SPOCK3: variants seen among roughly 807,000 people sequenced by gnomAD.
SPOCK3 encodes SPARC (osteonectin), cwcv and kazal like domains proteoglycan 3.
In SPOCK3, 30 loss-of-function variants were observed where a neutral mutation model predicts 56.6. The ratio of observed to expected loss-of-function variants is 0.53; its 90% CI spans 0.40 to 0.72. The LOEUF (loss-of-function observed/expected upper bound fraction) is 0.72. Ranked by LOEUF, SPOCK3 falls within the 30% of genes least tolerant of loss-of-function variation. The pLI, the probability that SPOCK3 is intolerant of heterozygous loss-of-function variation, is 0.00. For synonymous variants in SPOCK3, 196 were observed against 183.3 expected, an observed-to-expected ratio of 1.07 and a Z score of -0.56; for missense variants, 527 against 530.0, an observed-to-expected ratio of 0.99 and a Z score of 0.06.
rs137892176 is a variant in SPOCK3, at chr4:166,827,510, G to A, written c.590-35221C>T. 2.6e-5 allele frequency among the ~76,000 whole-genome samples: 4 copies of A among 152,154 alleles called. No individual in the cohort carries two copies. In the East Asian group the frequency reaches 7.7e-4, roughly 29 times the overall value. On this transcript the variant is annotated intron_variant, in intron 6 of 10. Transcript: ENST00000357545. Reference sequence around the variant, plus strand: ...TGCTATGGATTTGAATTCTCTAGTAGCAAGTTTTATTTTGTTTACAGCAAC... The same window carrying A: ...TGCTATGGATTTGAATTCTCTAGTAACAAGTTTTATTTTGTTTACAGCAAC...
chr4:166,842,286 C>T lies in SPOCK3; in HGVS notation c.589+46844G>A, dbSNP rs186285271. Among the ~76,000 whole-genome samples, 1,250 of 152,314 alleles carry T rather than the reference C, an allele frequency of 8.2e-3. 7 individuals are homozygous for T. Among genetic ancestry groups the T allele is most frequent in the Non-Finnish European group, 0.013 (901 of 68,032 alleles). ...CAGCCTGCTTTTATTCCTTATCTGG[C>T]CCCACCCATATCCTGCTGATTGGTC... On this transcript the variant is annotated intron_variant, in intron 6 of 10. Coordinates refer to ENST00000357545, the MANE Select transcript of SPOCK3 (RefSeq NM_001040159.2).
chr4:167,203,231 T>A (rs1733691637), intron 2 of SPOCK3, among the ~76,000 whole-genome samples: 1 of 151,932 alleles, frequency 6.6e-6, no homozygotes. Context: ...AAAAATTGTA[T>A]GTATTAGAAA....
At chr4:166,949,501 T>C (rs1742240133) in intron 4 of SPOCK3, among the ~76,000 whole-genome samples, 1 of 152,156 alleles carries the variant, frequency 6.6e-6, no homozygotes, top group East Asian at 1.9e-4. Context: ...ATGATGGTGA[T>C]GTACAGATGG....
chr4:167,087,181 A>C (rs1758274997), intron 2 of SPOCK3, among the ~76,000 whole-genome samples: 1 of 152,136 alleles, frequency 6.6e-6, no homozygotes, highest in Non-Finnish European at 1.5e-5. Flanking sequence ...AATAATCATA[A>C]CTCTATGAGG....
chr4:167,206,968 A>G (rs182615673), intron 2 of SPOCK3, among the ~76,000 whole-genome samples: 1 of 152,192 alleles, frequency 6.6e-6, no homozygotes, highest in East Asian at 1.9e-4. Context: ...TCCCAACACA[A>G]AAAAAACGAT....
At chr4:167,092,014 T>C (rs1360907367) in intron 2 of SPOCK3, among the ~76,000 whole-genome samples, 2 of 152,080 alleles carry the variant, frequency 1.3e-5, no homozygotes, top group Non-Finnish European at 2.9e-5. Flanking sequence ...GATGGCGGAA[T>C]AGGAACAGCT....
chr4:167,149,518 A>T (rs539148508), intron 2 of SPOCK3, among the ~76,000 whole-genome samples: 1 of 152,216 alleles, frequency 6.6e-6, no homozygotes, highest in Admixed American at 6.5e-5. Context: ...TTTGAAGAAA[A>T]TATAGATTCT....
intron 8 of SPOCK3, among the ~76,000 whole-genome samples, chr4:166,749,489 C>T (rs530510194): frequency 1.3e-5 from 2 of 151,786 alleles, no homozygotes; most frequent in African/African-American, 2.4e-5. Flanking sequence ...GCCTATGGTG[C>T]GGTGGGGGGA....
chr4:167,181,234 G>C (rs1417535930), intron 2 of SPOCK3, among the ~76,000 whole-genome samples: 1 of 152,004 alleles, frequency 6.6e-6, no homozygotes, highest in African/African-American at 2.4e-5. Context: ...TTGTTACAAG[G>C]CAACTCTATT....
chr4:166,832,386 T>A (rs1240762116), intron 6 of SPOCK3, among the ~76,000 whole-genome samples: 1 of 103,858 alleles, frequency 9.6e-6, no homozygotes, highest in Non-Finnish European at 2.1e-5. Flanking sequence ...TCAGAATGGC[T>A]ATTATTAAAA....
At chr4:167,062,446 T>C (rs1755701406) in intron 3 of SPOCK3, 46 bp downstream of exon 3, 2 of 1,402,578 alleles carry the variant, frequency 1.4e-6, no homozygotes, top group Non-Finnish European at 1.0e-6. Context: ...AGTACAATGA[T>C]TATGAACATG....
chr4:166,994,342 C>G (rs1748126100), intron 4 of SPOCK3, among the ~76,000 whole-genome samples: 1 of 152,104 alleles, frequency 6.6e-6, no homozygotes, highest in Admixed American at 6.6e-5. Context: ...GCAGAAAAAT[C>G]TGAAGCACTC....
intron 4 of SPOCK3, among the ~76,000 whole-genome samples, chr4:166,945,878 C>T (rs1441544497): frequency 1.3e-5 from 2 of 152,162 alleles, no homozygotes; most frequent in Admixed American, 6.5e-5. Flanking sequence ...ACACCTTCTC[C>T]ACCTGAGGTG....
chr4:167,185,067 G>A (rs961885429), intron 2 of SPOCK3, among the ~76,000 whole-genome samples: 1 of 152,162 alleles, frequency 6.6e-6, no homozygotes, highest in Admixed American at 6.5e-5. Flanking sequence ...GTTGTGGATG[G>A]TTGGAAATCA....
At chr4:166,766,339 C>T (rs577512475) in intron 7 of SPOCK3, among the ~76,000 whole-genome samples, 2 of 152,228 alleles carry the variant, frequency 1.3e-5, no homozygotes, top group East Asian at 3.9e-4. Context: ...ATAAATAGAT[C>T]TTAATATTTT....
At position 167,057,088 on chromosome 4, in the gene SPOCK3, T is replaced by C. The variant is rs1261658305; in HGVS notation, c.235+5404A>G. Among the ~76,000 whole-genome samples, 6 of 152,308 alleles carry C rather than the reference T, an allele frequency of 3.9e-5. No individual in the cohort carries two copies. In the East Asian group the frequency reaches 9.6e-4, roughly 24 times the overall value. On this transcript the variant is annotated intron_variant, in intron 3 of 10. Transcript: ENST00000357545. ...GCCCATCAGACTAACAGCGGATCTC[T>C]CGGCAGAAACTCTACAAGCCAGAAG...
At chr4:166,881,576 T>A (rs2126982014) in intron 6 of SPOCK3, among the ~76,000 whole-genome samples, 1 of 152,224 alleles carries the variant, frequency 6.6e-6, no homozygotes, top group South Asian at 2.1e-4. Context: ...TGACAGTCTT[T>A]GAGAATTTTT....
chr4:166,869,592 T>C (rs957326386), intron 6 of SPOCK3, among the ~76,000 whole-genome samples: 3 of 150,542 alleles, frequency 2.0e-5, no homozygotes, highest in Non-Finnish European at 4.4e-5. Context: ...TATGTAATTA[T>C]AACCAATAGA....
intron 3 of SPOCK3, among the ~76,000 whole-genome samples, chr4:167,020,490 CATGA>C (rs1751062338): frequency 6.6e-6 from 1 of 152,024 alleles, no homozygotes; most frequent in African/African-American, 2.4e-5. Context: ...GTGCTGCCCT[CATGA>C]ATGAACTAAG....
Sources: allele counts gnomAD v4.1 joint callset (sites outside exome capture counted in the v4.1 genomes callset), GRCh38; gene constraint gnomAD v4.1.1; transcripts MANE v1.5; gene names NCBI Gene and HGNC (gene_info 2026-07-23, HGNC 2026-07-21).